Variants in F13A1 observed in about 807,000 individuals in gnomAD.
F13A1 encodes FSF, A subunit.
F13A1 carries 47 observed loss-of-function variants against 80.1 expected under a neutral mutation model. That is an observed-to-expected ratio of 0.59 (90% CI 0.46 to 0.75). The LOEUF is 0.75. Ranked by LOEUF, F13A1 falls within the 30% of genes least tolerant of loss-of-function variation. The pLI, the probability that F13A1 is intolerant of heterozygous loss-of-function variation, is 0.00. For synonymous variants in F13A1, 349 were observed against 344.9 expected, an observed-to-expected ratio of 1.01 and a Z score of -0.13; for missense variants, 817 against 930.4, an observed-to-expected ratio of 0.88 and a Z score of 1.59.
At chr6:6,293,519 C>T (rs1199511172) in intron 3 of F13A1, among the ~76,000 whole-genome samples, 1 of 151,760 alleles carries the variant, frequency 6.6e-6, no homozygotes, top group Non-Finnish European at 1.5e-5. Flanking sequence ...TCATTAACAC[C>T]TCCCACCTAA....
At chr6:6,289,452 G>GCACACA (rs1384425350) in intron 3 of F13A1, among the ~76,000 whole-genome samples, 99 of 144,474 alleles carry the variant, frequency 6.9e-4, no homozygotes, top group African/African-American at 2.3e-3. Context: ...ACACACACAC[G>GCACACA]CACACACACA....
At chr6:6,235,828 TACTAAAGTCTTCCAAGCTAA>T (rs1757406271) in intron 6 of F13A1, among the ~76,000 whole-genome samples, 1 of 152,138 alleles carries the variant, frequency 6.6e-6, no homozygotes. Context: ...CAAAGACTTT[TACTAAAGTCTTCCAAGCTAA>T]AGTTTCTGGC....
chr6:6,161,999 A>G (rs910008835), intron 13 of F13A1, among the ~76,000 whole-genome samples: 2 of 151,610 alleles, frequency 1.3e-5, no homozygotes, highest in East Asian at 4.0e-4. Context: ...AGGAAACTCC[A>G]GTTCCAAGGC....
intron 3 of F13A1, among the ~76,000 whole-genome samples, chr6:6,280,845 C>T (rs1195481693): frequency 2.0e-5 from 3 of 152,164 alleles, no homozygotes; most frequent in Non-Finnish European, 4.4e-5. Flanking sequence ...TACAATATTG[C>T]CTTCCGTAAA....
chr6:6,198,185 G>A (rs994008182), intron 8 of F13A1, among the ~76,000 whole-genome samples: 19 of 152,148 alleles, frequency 1.2e-4, no homozygotes, highest in Non-Finnish European at 8.8e-5. Context: ...CGTTGTCAGG[G>A]TGAATCTCTC....
chr6:6,259,914 T>C (rs1352544017), intron 4 of F13A1, among the ~76,000 whole-genome samples: 2 of 152,314 alleles, frequency 1.3e-5, no homozygotes, highest in African/African-American at 2.4e-5. Context: ...GAAATCTAAA[T>C]CTTTCAGGAC....
At chr6:6,236,253 G>C (rs1193671396) in intron 6 of F13A1, among the ~76,000 whole-genome samples, 1 of 152,068 alleles carries the variant, frequency 6.6e-6, no homozygotes, top group South Asian at 2.1e-4. Flanking sequence ...ACATATACAT[G>C]TCAACATTAT....
chr6:6,295,655 A>G (rs1314726227), intron 3 of F13A1, among the ~76,000 whole-genome samples: 1 of 141,826 alleles, frequency 7.1e-6, no homozygotes, highest in African/African-American at 2.9e-5. Context: ...GCCCTTTGTC[A>G]GATGAGTAGG....
chr6:6,264,048 A>T (rs1757811908), intron 4 of F13A1, among the ~76,000 whole-genome samples: 1 of 152,178 alleles, frequency 6.6e-6, no homozygotes, highest in Non-Finnish European at 1.5e-5. Context: ...ACGCCTCCAG[A>T]CCTAAGTGAC....
At chr6:6,196,907 A>G (rs1185953423) in intron 9 of F13A1, among the ~76,000 whole-genome samples, 1 of 152,244 alleles carries the variant, frequency 6.6e-6, no homozygotes, top group Admixed American at 6.5e-5. Flanking sequence ...GGGCTGAAGT[A>G]TATTTTATAG....
intron 14 of F13A1, among the ~76,000 whole-genome samples, chr6:6,148,787 G>A (rs1309428641): frequency 6.6e-6 from 1 of 152,096 alleles, no homozygotes; most frequent in Non-Finnish European, 1.5e-5. Context: ...CCCAAGTTTT[G>A]ACTGTCTCTG....
At chr6:6,183,139 C>T (rs1761018655) in intron 10 of F13A1, among the ~76,000 whole-genome samples, 1 of 152,128 alleles carries the variant, frequency 6.6e-6, no homozygotes. Context: ...CAGTTATTAT[C>T]ATGGAAGCAG....
At chr6:6,252,306 A>AGAT (rs4053225) in intron 4 of F13A1, among the ~76,000 whole-genome samples, 1 of 152,082 alleles carries the variant, frequency 6.6e-6, no homozygotes, top group Non-Finnish European at 1.5e-5. Flanking sequence ...TGGGAAAATT[A>AGAT]AAGATGGTTC....
At chr6:6,226,463 CAT>C (rs1247662072) in intron 6 of F13A1, among the ~76,000 whole-genome samples, 3 of 152,236 alleles carry the variant, frequency 2.0e-5, no homozygotes, top group East Asian at 3.8e-4. Context: ...CAATGTGAAA[CAT>C]ATGATTGAAG....
At chr6:6,190,187 G>A (rs1479702090) in intron 10 of F13A1, among the ~76,000 whole-genome samples, 1 of 152,030 alleles carries the variant, frequency 6.6e-6, no homozygotes, top group African/African-American at 2.4e-5. Flanking sequence ...CCGTAGCTCA[G>A]AGTAATTTGA....
At chr6:6,284,761 T>C (rs1305589868) in intron 3 of F13A1, among the ~76,000 whole-genome samples, 2 of 152,238 alleles carry the variant, frequency 1.3e-5, no homozygotes, top group Non-Finnish European at 2.9e-5. Context: ...CCTCCTTGCA[T>C]GGAGGGTACA....
chr6:6,257,922 C>T (rs988512678), intron 4 of F13A1, among the ~76,000 whole-genome samples: 3 of 152,214 alleles, frequency 2.0e-5, no homozygotes, highest in Non-Finnish European at 4.4e-5. Flanking sequence ...CACATATCCT[C>T]TAAGGGAGCC....
At chr6:6,203,031 A>T (rs1283140160) in intron 8 of F13A1, among the ~76,000 whole-genome samples, 16 of 152,252 alleles carry the variant, frequency 1.1e-4, no homozygotes. Flanking sequence ...TGTGTTATGT[A>T]AGAATGTTCA....
At chr6:6,158,305 A>G (rs562626132) in intron 13 of F13A1, among the ~76,000 whole-genome samples, 16 of 152,220 alleles carry the variant, frequency 1.1e-4, no homozygotes, top group Admixed American at 9.8e-4. Flanking sequence ...GGGGCTGAAG[A>G]CCGGGGCTGC....
Sources: allele counts gnomAD v4.1 joint callset (sites outside exome capture counted in the v4.1 genomes callset), GRCh38; gene constraint gnomAD v4.1.1; transcripts MANE v1.5; gene names NCBI Gene and HGNC (gene_info 2026-07-23, HGNC 2026-07-21).